The following ADGRL2 variants were observed in gnomAD, a reference collection of about 807,000 sequenced individuals.
ADGRL2 encodes the protein adhesion G protein-coupled receptor L2.
ADGRL2 carries 44 observed loss-of-function variants against 157.4 expected under a neutral mutation model. The observed-to-expected ratio is 0.28, with a 90% CI of 0.22 to 0.36. The LOEUF is 0.36. Ranked by LOEUF, ADGRL2 falls within the 10% of genes least tolerant of loss-of-function variation. The pLI is 1.00. For missense variants in ADGRL2, 1,510 were observed against 1,768.9 expected, an observed-to-expected ratio of 0.85 and a Z score of 2.63; for synonymous variants, 585 against 624.7, an observed-to-expected ratio of 0.94 and a Z score of 0.95.
intron 1 of ADGRL2, among the ~76,000 whole-genome samples, chr1:81,329,878 T>C (rs1302464172): frequency 6.6e-6 from 1 of 152,180 alleles, no homozygotes; most frequent in African/African-American, 2.4e-5. Context: ...AGTACATTAA[T>C]ATATTGCTCT....
intron 3 of ADGRL2, among the ~76,000 whole-genome samples, chr1:81,614,527 TC>T (rs1403025489): frequency 1.3e-5 from 2 of 152,196 alleles, no homozygotes; most frequent in African/African-American, 2.4e-5. Context: ...AGATTTTTTT[TC>T]ATGTAAATCT....
At chr1:81,358,131 T>A (rs1336872531) in intron 1 of ADGRL2, among the ~76,000 whole-genome samples, 1 of 152,184 alleles carries the variant, frequency 6.6e-6, no homozygotes, top group African/African-American at 2.4e-5. Flanking sequence ...TCTAATTCCC[T>A]TGTCAACATA....
chr1:81,481,098 T>C (rs1420908536), intron 2 of ADGRL2, among the ~76,000 whole-genome samples: 1 of 152,208 alleles, frequency 6.6e-6, no homozygotes, highest in Non-Finnish European at 1.5e-5. Context: ...TGTTGTTCAG[T>C]GTTTTTCCAT....
upstream of ADGRL2, chr1:81,800,477 T>A (rs1048762461): frequency 2.0e-5 from 3 of 151,794 alleles, no homozygotes; most frequent in African/African-American, 7.3e-5. Context: ...GGCCTCTGGC[T>A]CGGTGCGTGG....
At chr1:81,946,207 T>G (rs1209976514) in intron 6 of ADGRL2, among the ~76,000 whole-genome samples, 1 of 151,898 alleles carries the variant, frequency 6.6e-6, no homozygotes, top group South Asian at 2.1e-4. Flanking sequence ...TATCCATTCG[T>G]TTTTTTTCAT....
chr1:81,796,659 C>T (rs2087605015), upstream of ADGRL2, among the ~76,000 whole-genome samples: 1 of 152,088 alleles, frequency 6.6e-6, no homozygotes, highest in South Asian at 2.1e-4. Context: ...TATTAATTAA[C>T]ACGTGTGGTG....
intron 2 of ADGRL2, among the ~76,000 whole-genome samples, chr1:81,468,275 A>G (rs2078101179): frequency 6.6e-6 from 1 of 152,192 alleles, no homozygotes; most frequent in African/African-American, 2.4e-5. Context: ...AAATTATGCT[A>G]ATAGCTCAGC....
chr1:81,780,676 G>A (rs1211116856), intron 2 of ADGRL2, among the ~76,000 whole-genome samples: 1 of 152,146 alleles, frequency 6.6e-6, no homozygotes, highest in Non-Finnish European at 1.5e-5. Flanking sequence ...TAGGGTTGTT[G>A]TGAGATAATA....
chr1:81,562,255 T>G (rs2080460090), intron 2 of ADGRL2, among the ~76,000 whole-genome samples: 1 of 152,214 alleles, frequency 6.6e-6, no homozygotes, highest in South Asian at 2.1e-4. Flanking sequence ...TGGTTAAAAT[T>G]GTTTGAGGCT....
rs116109117 is a variant in ADGRL2 at position 81,683,253 on chromosome 1, C to T, written c.-142-78558C>T. On this transcript the variant is annotated intron_variant, in intron 3 of 24. Transcript: ENST00000370721. ...TGGATTTCTAGAAGTATTTTTAAAC[C>T]CCAAAATATTAAGCACCATTGCCTT... 8.3e-3 allele frequency among the ~76,000 whole-genome samples: 1,266 copies of T among 152,168 alleles called. 22 individuals are homozygous for T. Among genetic ancestry groups the T allele is most frequent in the African/African-American group, 0.029 (1,196 of 41,514 alleles).
intron 2 of ADGRL2, among the ~76,000 whole-genome samples, chr1:81,904,741 C>G (rs1037693968): frequency 1.6e-4 from 24 of 152,124 alleles, no homozygotes; most frequent in African/African-American, 5.6e-4. Flanking sequence ...AACCTTGTCT[C>G]TACTAAGAAT....
At position 81,490,651 on chromosome 1, in the gene ADGRL2, A is replaced by G. The variant is rs186624311; in HGVS notation, c.-248+45562A>G. ...TTTTTTAAAGAAATGTTTTAATAAC[A>G]ATACCAATGATGTACAGGGATGTGG... On this transcript the variant is annotated intron_variant, in intron 2 of 24. Transcript: ENST00000370721. Among the ~76,000 whole-genome samples, 9 of 152,314 alleles carry G rather than the reference A, an allele frequency of 5.9e-5. No homozygotes were observed. The East Asian group carries it at 1.7e-3, about 29-fold the overall frequency.
At chr1:81,622,008 T>G (rs1269254278) in intron 3 of ADGRL2, among the ~76,000 whole-genome samples, 2 of 152,198 alleles carry the variant, frequency 1.3e-5, no homozygotes, top group African/African-American at 4.8e-5. Flanking sequence ...TCTTCAGTTA[T>G]CATTTGAAGT....
At chr1:81,549,768 G>C (rs2080100135) in intron 2 of ADGRL2, among the ~76,000 whole-genome samples, 1 of 152,094 alleles carries the variant, frequency 6.6e-6, no homozygotes, top group South Asian at 2.1e-4. Flanking sequence ...TCAGACTAAT[G>C]GGCATGAGAG....
chr1:81,896,680 A>G (rs764537521), intron 2 of ADGRL2, among the ~76,000 whole-genome samples: 1 of 152,098 alleles, frequency 6.6e-6, no homozygotes, highest in Non-Finnish European at 1.5e-5. Context: ...AATTATAGTA[A>G]TAAATAAAGC....
At chr1:81,629,675 G>GTA (rs1557519577) in intron 3 of ADGRL2, among the ~76,000 whole-genome samples, 3 of 95,720 alleles carry the variant, frequency 3.1e-5, no homozygotes, top group Non-Finnish European at 6.4e-5. Flanking sequence ...ATATGTGTGT[G>GTA]TGTGTGTGTG....
intron 2 of ADGRL2, among the ~76,000 whole-genome samples, chr1:81,885,438 G>A (rs2094106094): frequency 6.6e-6 from 1 of 152,156 alleles, no homozygotes; most frequent in African/African-American, 2.4e-5. Context: ...GCTAAGGCCT[G>A]CCAAATTGGC....
At chr1:81,453,544 T>C (rs2077741898) in intron 2 of ADGRL2, among the ~76,000 whole-genome samples, 1 of 152,114 alleles carries the variant, frequency 6.6e-6, no homozygotes, top group Non-Finnish European at 1.5e-5. Flanking sequence ...TTATGACTTT[T>C]GCACCACCCA....
At chr1:81,619,568 G>A (rs2081743108) in intron 3 of ADGRL2, among the ~76,000 whole-genome samples, 1 of 68,084 alleles carries the variant, frequency 1.5e-5, no homozygotes, top group African/African-American at 4.3e-5. Flanking sequence ...TTGCCTCAAT[G>A]AGGCCTCAGA....
Sources: allele counts gnomAD v4.1 joint callset (sites outside exome capture counted in the v4.1 genomes callset), GRCh38; gene constraint gnomAD v4.1.1; transcripts MANE v1.5; gene names NCBI Gene and HGNC (gene_info 2026-07-23, HGNC 2026-07-21).